ENPEP: variants seen among roughly 807,000 people sequenced by gnomAD.
ENPEP encodes the protein glutamyl aminopeptidase.
In ENPEP, 103 loss-of-function variants were observed where a neutral mutation model predicts 114.5. That is an observed-to-expected ratio of 0.90 (90% CI 0.77 to 1.06). ENPEP has a LOEUF of 1.06. Among genes scored for constraint, ENPEP ranks in the 50% least tolerant of loss-of-function variants. The pLI is 0.00. For missense variants in ENPEP, 1,196 were observed against 1,161.3 expected (o/e 1.03, Z -0.43); for synonymous variants, 420 against 422.0 (o/e 1.00, Z 0.06).
rs1453593072 is a variant in ENPEP at position 110,509,772 on chromosome 4, GT to G, written c.1160del (p.Val387GlyfsTer18). The G allele has an allele frequency of 6.2e-7, 1 of 1,613,902 alleles. No homozygotes were observed. The highest frequency in any genetic ancestry group is 2.2e-5 in the East Asian group (1 of 44,894). On this transcript the variant is annotated frameshift_variant, in exon 5 of 20. Transcript: ENST00000265162. LOFTEE classifies it high-confidence loss of function. ...ATCAGCCTCATCAAACCAACAGAGG[GT>G]GGCCACTGTGGTTGCCCATGAACTT... ...KESASSNQQRVATVVAHELVH... is the reference protein window; with the variant it reads ...KESASSNQQRXATVVAHELVH...
intron 8 of ENPEP, chr4:110,518,975 A>G (rs1375890487): frequency 2.4e-6 from 1 of 424,102 alleles, no homozygotes; most frequent in Non-Finnish European, 4.7e-6. Context: ...CATTTGATTT[A>G]CCAAATATTC....
At chr4:110,514,564 C>T (rs1436977548) in intron 7 of ENPEP, among the ~76,000 whole-genome samples, 1 of 151,960 alleles carries the variant, frequency 6.6e-6, no homozygotes, top group African/African-American at 2.4e-5. Context: ...CATTTTTCCC[C>T]TTAGTCCTAG....
Position 110,476,606 on chromosome 4 carries a change from G to T in ENPEP, c.192G>T (p.Thr64=). 3 of 1,614,118 alleles carry T rather than the reference G, an allele frequency of 1.9e-6. No homozygotes were observed. The highest frequency in any genetic ancestry group is 1.7e-5 in the Admixed American group (1 of 60,016). The stretch of plus-strand genomic sequence containing the variant: ...CTCCTTCCCACCTGCCTTCTTCCAC[G>T]GCCAGCCCCTCAGGTCCTCCTGCCC... ...APAPSHLPSS[T]ASPSGPPAQD... is the part of the protein sequence containing the mutation. The change falls in exon 1 of 20, where the codon ACG becomes ACT. Residue 64 remains threonine (T), a synonymous_variant. Coordinates refer to ENST00000265162, the MANE Select transcript of ENPEP (RefSeq NM_001977.4).
intron 11 of ENPEP, among the ~76,000 whole-genome samples, chr4:110,537,953 T>A (rs1246563549): frequency 6.6e-6 from 1 of 152,174 alleles, no homozygotes; most frequent in Non-Finnish European, 1.5e-5. Context: ...GTCTCAACAA[T>A]GGGCATAAAA....
At chr4:110,491,265 C>A (rs1578392655) in intron 3 of ENPEP, 101 bp downstream of exon 3, 1 of 1,169,940 alleles carries the variant, frequency 8.5e-7, no homozygotes, top group Non-Finnish European at 1.2e-6. Flanking sequence ...AACAACATGC[C>A]TGAAAAGCCC....
chr4:110,533,517 T>A (rs1204587436), intron 11 of ENPEP: 1 of 151,964 alleles, frequency 6.6e-6, no homozygotes, highest in East Asian at 1.9e-4. Flanking sequence ...AGTGCCTCTG[T>A]GGCAATGCAG....
chr4:110,556,012 G>C (rs1221513869), intron 18 of ENPEP, among the ~76,000 whole-genome samples: 1 of 151,912 alleles, frequency 6.6e-6, no homozygotes, highest in Non-Finnish European at 1.5e-5. Flanking sequence ...TTTTCACTCA[G>C]CATATTCATT....
intron 8 of ENPEP, among the ~76,000 whole-genome samples, chr4:110,516,658 T>A (rs776498627): frequency 6.6e-6 from 1 of 152,172 alleles, no homozygotes; most frequent in Non-Finnish European, 1.5e-5. Flanking sequence ...TTATGTGGCA[T>A]TTAGCCCTCT....
chr4:110,511,778 T>C (rs1485065476), intron 6 of ENPEP, among the ~76,000 whole-genome samples: 1 of 152,106 alleles, frequency 6.6e-6, no homozygotes, highest in African/African-American at 2.4e-5. Context: ...TTTTTTTCCT[T>C]TTTGAGATGG....
rs1560547806 is a variant in ENPEP, at chr4:110,476,426, GGAGA to G, written c.18_21del (p.Glu7AlafsTer22). ...CTTTGGAAGCAAAAATGAACTTTGC[GGAGA>G]GAGAGGGCTCTAAGAGATACTGCAT... On this transcript the variant is annotated frameshift_variant, in exon 1 of 20. Coordinates refer to ENST00000265162, the MANE Select transcript of ENPEP (RefSeq NM_001977.4). LOFTEE classifies it high-confidence loss of function. 2.1e-5 allele frequency: 32 copies of G among 1,514,676 alleles called. No homozygotes were observed. The highest frequency in any genetic ancestry group is 4.2e-5 in the African/African-American group (3 of 71,724). The allele number at this position is 1,514,676 out of a possible 1,614,324, so 93.8% of individuals were successfully genotyped here.
At chr4:110,520,559 A>G (rs776081248) in intron 10 of ENPEP, among the ~76,000 whole-genome samples, 193 bp downstream of exon 10, 1 of 152,212 alleles carries the variant, frequency 6.6e-6, no homozygotes, top group Non-Finnish European at 1.5e-5. Flanking sequence ...GAGCACATCC[A>G]TCCGCATCCT....
At chr4:110,489,307 G>A (rs933196999) in intron 2 of ENPEP, among the ~76,000 whole-genome samples, 1 of 151,774 alleles carries the variant, frequency 6.6e-6, no homozygotes, top group Non-Finnish European at 1.5e-5. Context: ...ACTAACACAG[G>A]AACAGAAAAC....
At chr4:110,501,867 C>T (rs1578397491) in intron 3 of ENPEP, among the ~76,000 whole-genome samples, 2 of 152,280 alleles carry the variant, frequency 1.3e-5, no homozygotes, top group South Asian at 2.1e-4. Context: ...TGCCAAACTG[C>T]TTTCCACAAT....
chr4:110,539,589 T>G (rs1726775519), intron 11 of ENPEP, among the ~76,000 whole-genome samples: 1 of 152,162 alleles, frequency 6.6e-6, no homozygotes, highest in South Asian at 2.1e-4. Flanking sequence ...ATGGGGGTCT[T>G]GCTATGTTGA....
chr4:110,524,743 T>C (rs1726131841), intron 10 of ENPEP, among the ~76,000 whole-genome samples: 1 of 152,180 alleles, frequency 6.6e-6, no homozygotes, highest in African/African-American at 2.4e-5. Flanking sequence ...TTCTCTACTT[T>C]GCCAAATGTA....
chr4:110,494,007 C>T (rs1415415823), intron 3 of ENPEP, among the ~76,000 whole-genome samples: 1 of 151,932 alleles, frequency 6.6e-6, no homozygotes, highest in Non-Finnish European at 1.5e-5. Flanking sequence ...AAGAGAATCC[C>T]GAAAAAGTCA....
At chr4:110,499,007 A>G (rs1004969379) in intron 3 of ENPEP, among the ~76,000 whole-genome samples, 1 of 152,200 alleles carries the variant, frequency 6.6e-6, no homozygotes, top group African/African-American at 2.4e-5. Context: ...CCAGGCCCTT[A>G]CAATCCAAAA....
At chr4:110,498,601 C>T (rs982498212) in intron 3 of ENPEP, among the ~76,000 whole-genome samples, 1 of 152,188 alleles carries the variant, frequency 6.6e-6, no homozygotes, top group African/African-American at 2.4e-5. Context: ...ATAGAAAACA[C>T]TCAATAGACA....
chr4:110,486,070 A>G (rs1263465149), intron 1 of ENPEP, among the ~76,000 whole-genome samples: 2 of 152,186 alleles, frequency 1.3e-5, no homozygotes, highest in Admixed American at 1.3e-4. Flanking sequence ...TGGATTTGGC[A>G]TCCACTGATG....
Sources: allele counts gnomAD v4.1 joint callset (sites outside exome capture counted in the v4.1 genomes callset), GRCh38; gene constraint gnomAD v4.1.1; transcripts MANE v1.5; gene names NCBI Gene and HGNC (gene_info 2026-07-23, HGNC 2026-07-21).